The following PCDHA2 variants were observed in gnomAD, a reference collection of about 807,000 sequenced individuals.
PCDHA2 encodes protocadherin alpha 2.
In PCDHA2, 58 loss-of-function variants were observed where a neutral mutation model predicts 66.0. That is an observed-to-expected ratio of 0.88 (90% confidence interval 0.71 to 1.09). PCDHA2 has a LOEUF of 1.09. PCDHA2 is among the 50% of genes least tolerant of loss of function. The pLI is 0.00. For missense variants in PCDHA2, 1,267 were observed against 1,242.3 expected (o/e 1.02, Z -0.30); for synonymous variants, 634 against 554.0 (o/e 1.14, Z -2.03).
At chr5:140,900,957 A>C (rs1264192105) in intron 1 of PCDHA2, among the ~76,000 whole-genome samples, 1 of 152,206 alleles carries the variant, frequency 6.6e-6, no homozygotes, top group African/African-American at 2.4e-5. Flanking sequence ...TCTGATTATC[A>C]GTGATGTTGA....
intron 1 of PCDHA2, chr5:140,835,465 A>G: frequency 6.2e-7 from 1 of 1,613,920 alleles, no homozygotes; most frequent in Non-Finnish European, 8.5e-7. Context: ...CCTATTCCAG[A>G]GGACGCCCAA....
At chr5:140,838,209 G>C (rs1580889763) in intron 1 of PCDHA2, among the ~76,000 whole-genome samples, 1 of 149,446 alleles carries the variant, frequency 6.7e-6, no homozygotes, top group Admixed American at 6.7e-5. Flanking sequence ...CGCCTCTCTG[G>C]TACAAGCAGT....
rs2150125115 is a variant in PCDHA2 at position 140,823,375 on chromosome 5, G to A, written c.2388+26023G>A. 6 of 1,612,690 alleles carry A rather than the reference G, an allele frequency of 3.7e-6. No homozygotes were observed. The East Asian group carries it at 8.9e-5, about 24-fold the overall frequency. On this transcript the variant is annotated intron_variant, in intron 1 of 3. Coordinates refer to ENST00000526136, the MANE Select transcript of PCDHA2 (RefSeq NM_018905.3). The stretch of plus-strand genomic sequence containing the variant: ...GGAAGTGGAGCTGCTGCAGTTCCAG[G>A]TGAGCGCGCGCGACGCGGGCGTGCC...
At chr5:140,989,657 A>G (rs1045043697) in intron 3 of PCDHA2, among the ~76,000 whole-genome samples, 7 of 152,228 alleles carry the variant, frequency 4.6e-5, no homozygotes, top group African/African-American at 1.7e-4. Flanking sequence ...CAATATTTTA[A>G]AAGAAACTCT....
chr5:140,833,532 G>C (rs2150209285), intron 1 of PCDHA2, among the ~76,000 whole-genome samples: 1 of 152,154 alleles, frequency 6.6e-6, no homozygotes, highest in Non-Finnish European at 1.5e-5. Context: ...ACACACAAGT[G>C]TTCGAAAGGA....
intron 1 of PCDHA2, among the ~76,000 whole-genome samples, chr5:140,878,898 G>A (rs2057763490): frequency 6.6e-6 from 1 of 152,154 alleles, no homozygotes; most frequent in South Asian, 2.1e-4. Flanking sequence ...ACTACAGGCA[G>A]GCTCCACCAC....
intron 1 of PCDHA2, among the ~76,000 whole-genome samples, chr5:140,916,143 T>A (rs1237563249): frequency 4.6e-5 from 7 of 152,012 alleles, no homozygotes; most frequent in Non-Finnish European, 8.8e-5. Context: ...GCTGTTCAGT[T>A]GTGTTGTGGT....
intron 1 of PCDHA2, chr5:140,828,866 A>T (rs1769994516): frequency 6.2e-7 from 1 of 1,614,126 alleles, no homozygotes; most frequent in Admixed American, 1.7e-5. Context: ...AGACAACGGA[A>T]CAACAGTTAT....
intron 1 of PCDHA2, chr5:140,801,674 T>C (rs1554121626): frequency 6.2e-7 from 1 of 1,614,236 alleles, no homozygotes; most frequent in Non-Finnish European, 8.5e-7. Context: ...GCGCATCAGA[T>C]GCAGATATCG....
At chr5:140,989,462 G>A (rs531421005) in intron 3 of PCDHA2, among the ~76,000 whole-genome samples, 27 of 152,326 alleles carry the variant, frequency 1.8e-4, no homozygotes, top group Non-Finnish European at 2.9e-4. Context: ...GTTAGGCTTG[G>A]AACTCCTCCT....
At chr5:141,003,307 C>T (rs2153977029) in intron 3 of PCDHA2, among the ~76,000 whole-genome samples, 1 of 152,252 alleles carries the variant, frequency 6.6e-6, no homozygotes. Flanking sequence ...ATGAAGTGGC[C>T]AGCTACTTCC....
intron 3 of PCDHA2, among the ~76,000 whole-genome samples, chr5:140,990,304 A>T (rs114506238): frequency 3.9e-5 from 6 of 152,286 alleles, no homozygotes; most frequent in Non-Finnish European, 8.8e-5. Context: ...CATTGTCTGT[A>T]AAAAACCAAC....
chr5:140,881,023 A>T (rs1338073910), intron 1 of PCDHA2, among the ~76,000 whole-genome samples: 2 of 152,240 alleles, frequency 1.3e-5, no homozygotes, highest in Admixed American at 1.3e-4. Flanking sequence ...AAATAAACCC[A>T]ACAGTCATTT....
chr5:140,883,569 C>T (rs781786717), intron 1 of PCDHA2: 3 of 1,614,134 alleles, frequency 1.9e-6, no homozygotes, highest in Non-Finnish European at 2.5e-6. Flanking sequence ...GGCTCGCCTT[C>T]GCTGTGGGCC....
chr5:140,996,293 A>T (rs1481852263), intron 3 of PCDHA2, among the ~76,000 whole-genome samples: 1 of 152,264 alleles, frequency 6.6e-6, no homozygotes, highest in African/African-American at 2.4e-5. Context: ...CAAGAAGCAC[A>T]GATTGTAACA....
rs183715022 is a variant in PCDHA2 at position 140,950,136 on chromosome 5, A to G, written c.2389-28813A>G. Among the ~76,000 whole-genome samples, 19 of 152,068 alleles carry G rather than the reference A, an allele frequency of 1.2e-4. No individual in the cohort carries two copies. The East Asian group carries it at 3.7e-3, about 29-fold the overall frequency. ...AATACAAAACCCACAAGACACAGTT[A>G]TAATTTTTGTTTAAGCAGTTATTAT... On this transcript the variant is annotated intron_variant, in intron 1 of 3. Transcript: ENST00000526136.
At chr5:140,900,712 A>G (rs1408382305) in intron 1 of PCDHA2, among the ~76,000 whole-genome samples, 2 of 152,234 alleles carry the variant, frequency 1.3e-5, no homozygotes, top group Non-Finnish European at 2.9e-5. Context: ...TTGGAAAGAA[A>G]GGAAATCCTA....
chr5:140,798,731 T>G (rs782538349), intron 1 of PCDHA2, among the ~76,000 whole-genome samples: 9 of 152,240 alleles, frequency 5.9e-5, no homozygotes, highest in Non-Finnish European at 1.2e-4. Flanking sequence ...ACATTTTCAC[T>G]TGAAACATTT....
intron 1 of PCDHA2, chr5:140,928,085 T>G: frequency 1.9e-6 from 3 of 1,614,236 alleles, no homozygotes; most frequent in Non-Finnish European, 8.5e-7. Flanking sequence ...TACAGCCTGC[T>G]GATTGATGGG....
Sources: gnomAD v4.1 joint callset for allele counts (sites outside exome capture counted in the v4.1 genomes callset) on GRCh38, gnomAD v4.1.1 for gene constraint, MANE v1.5 for transcripts, NCBI Gene and HGNC (gene_info 2026-07-23, HGNC 2026-07-21) for gene names.